Variants in GLG1 observed in about 807,000 individuals in gnomAD.
GLG1 encodes the protein golgi glycoprotein 1, also known as Golgi apparatus protein 1.
Under a neutral mutation model 160.5 loss-of-function variants are expected in GLG1, and 38 were observed. The ratio of observed to expected loss-of-function variants is 0.24; its 90% CI spans 0.18 to 0.31. The LOEUF (loss-of-function observed/expected upper bound fraction) is 0.31, where lower values mean the gene tolerates loss of function less well. Ranked by LOEUF, GLG1 falls within the 10% of genes least tolerant of loss-of-function variation. The probability of loss-of-function intolerance (pLI) is 1.00; values close to 1 mark genes in which losing one functional copy is unlikely to be tolerated. For missense variants in GLG1, 1,373 were observed against 1,505.2 expected (o/e 0.91, Z 1.45); for synonymous variants, 644 against 543.4 (o/e 1.19, Z -2.57).
At position 74,452,329 on chromosome 16, in the gene GLG1, T is replaced by C; in HGVS notation, c.*838A>G. The C allele has an allele frequency of 7.2e-7, 1 of 1,395,680 alleles. No homozygotes were observed. Among genetic ancestry groups the C allele is most frequent in the Non-Finnish European group, 9.3e-7 (1 of 1,074,416 alleles). The allele number at this position is 1,395,680 out of a possible 1,614,324, so 86.5% of individuals were successfully genotyped here. A position where few individuals can be genotyped will look rare whatever the true frequency, so the allele number is the denominator to read the frequency against. ...TGCTGCCCTGGAGGAGGAAGGTTCC[T>C]GGGATCCTGCTGCCCCGGGACTCAG... On this transcript the variant is annotated 3_prime_UTR_variant, in exon 26 of 26. Coordinates refer to ENST00000422840, the MANE Select transcript of GLG1 (RefSeq NM_001145667.2).
At chr16:74,583,486 T>C (rs887445423) in intron 1 of GLG1, among the ~76,000 whole-genome samples, 10 of 152,104 alleles carry the variant, frequency 6.6e-5, no homozygotes, top group Admixed American at 2.6e-4. Context: ...GTTCAAGCAA[T>C]TCTCATGCCT....
chr16:74,565,312 G>A (rs746844833), intron 1 of GLG1, among the ~76,000 whole-genome samples: 1 of 152,140 alleles, frequency 6.6e-6, no homozygotes, highest in Non-Finnish European at 1.5e-5. Context: ...CTAGGCAACA[G>A]AGCCACTCCA....
At chr16:74,507,904 G>A (rs1361234534) in intron 3 of GLG1, among the ~76,000 whole-genome samples, 3 of 152,178 alleles carry the variant, frequency 2.0e-5, no homozygotes, top group African/African-American at 7.2e-5. Flanking sequence ...AGCTAGCTAA[G>A]GGAGTTTGAG....
chr16:74,464,301 A>G (rs1179842130), intron 19 of GLG1, among the ~76,000 whole-genome samples: 1 of 152,170 alleles, frequency 6.6e-6, no homozygotes, highest in Non-Finnish European at 1.5e-5. Context: ...GGGGAAACCT[A>G]GGAATTCTCC....
intron 19 of GLG1, among the ~76,000 whole-genome samples, chr16:74,464,573 T>G (rs2014930544): frequency 6.6e-6 from 1 of 152,232 alleles, no homozygotes; most frequent in Non-Finnish European, 1.5e-5. Context: ...TCTAGTTCTC[T>G]AAAGAGTGTG....
chr16:74,483,152 C>T (rs757612997), intron 9 of GLG1, 28 bp from the exon 10 acceptor site: 2 of 1,323,008 alleles, frequency 1.5e-6, no homozygotes, highest in Admixed American at 3.4e-5. Context: ...AAAATTGTAA[C>T]AAGAGAGAAG....
At chr16:74,563,649 C>A (rs1487052720) in intron 1 of GLG1, among the ~76,000 whole-genome samples, 1 of 147,468 alleles carries the variant, frequency 6.8e-6, no homozygotes, top group Non-Finnish European at 1.5e-5. Context: ...ACTGCTTGAA[C>A]CCAGGAGGCA....
chr16:74,587,585 A>T (rs189936561), intron 1 of GLG1, among the ~76,000 whole-genome samples: 13 of 152,302 alleles, frequency 8.5e-5, no homozygotes, highest in Non-Finnish European at 1.6e-4. Context: ...AACAGCTATT[A>T]CGGCTGGGCA....
intron 1 of GLG1, among the ~76,000 whole-genome samples, chr16:74,561,609 G>A (rs1259827934): frequency 6.6e-6 from 1 of 152,184 alleles, no homozygotes; most frequent in Non-Finnish European, 1.5e-5. Flanking sequence ...TGCTAAATCA[G>A]CCAGTACTAA....
chr16:74,607,095 C>T lies in GLG1; in HGVS notation c.-1G>A. 6.5e-6 allele frequency: 10 copies of T among 1,531,594 alleles called. No individual in the cohort carries two copies. Among genetic ancestry groups the T allele is most frequent in the Non-Finnish European group, 8.8e-6 (10 of 1,137,794 alleles). The allele number at this position is 1,531,594 out of a possible 1,614,324, so 94.9% of individuals were successfully genotyped here. ...TCCGTACACGTCCACACGCCGCCAT[C>T]TTGAGTCCGCGGCGAGCTCGACGCA... On this transcript the variant is annotated 5_prime_UTR_variant, in exon 1 of 26. Transcript: ENST00000422840.
At chr16:74,576,330 T>A (rs2019003316) in intron 1 of GLG1, among the ~76,000 whole-genome samples, 1 of 152,066 alleles carries the variant, frequency 6.6e-6, no homozygotes, top group African/African-American at 2.4e-5. Context: ...GCAAGACATA[T>A]AAAGAGAATA....
intron 17 of GLG1, 107 bp from the exon 18 acceptor site, chr16:74,467,955 C>A: frequency 1.4e-6 from 1 of 707,728 alleles, no homozygotes; most frequent in African/African-American, 1.8e-5. Flanking sequence ...ACCCTGGCTT[C>A]TACATAGCAA....
rs1465346548 is a variant in GLG1 at position 74,605,205 on chromosome 16, CCATT to C, written c.438+1448_438+1451del. Among the ~76,000 whole-genome samples, 4 of 152,098 alleles carry C rather than the reference CCATT, an allele frequency of 2.6e-5. No homozygotes were observed. In the East Asian group the frequency reaches 7.7e-4, roughly 29 times the overall value. ...ACCTCCCCCCAACCCCCCAAAACCC[CCATT>C]TCCAATTTATATGACGCCTTTCCTC... On this transcript the variant is annotated intron_variant, in intron 1 of 25. Coordinates refer to ENST00000422840, the MANE Select transcript of GLG1 (RefSeq NM_001145667.2).
chr16:74,550,187 TATTG>T (rs1328558299), intron 1 of GLG1, among the ~76,000 whole-genome samples: 1 of 152,148 alleles, frequency 6.6e-6, no homozygotes, highest in African/African-American at 2.4e-5. Context: ...CTAAAATACT[TATTG>T]ATTGTGCTTT....
At chr16:74,577,347 C>T (rs2019033782) in intron 1 of GLG1, among the ~76,000 whole-genome samples, 1 of 151,896 alleles carries the variant, frequency 6.6e-6, no homozygotes, top group South Asian at 2.1e-4. Flanking sequence ...CATGGTGAAA[C>T]CCCATCTCTA....
rs2014879603 is a variant in GLG1, at chr16:74,463,448, A to T, written c.2699T>A (p.Met900Lys). ...TTTATTTTGCTTCAAGCACTGCAAC[A>T]TGGTTTTAGAATCTGCTTCCGGACA... ...RFCPEADSKT[M>K]LQCLKQNKNS... The change falls in exon 20 of 26, where the codon ATG (methionine) becomes AAG (lysine). Residue 900 changes from methionine (M) to lysine (K), a missense_variant. By Grantham distance (95) the Met-to-Lys change is moderately conservative (BLOSUM62 -1). Around this residue, in one of 4 missense-constraint regions of GLG1, gnomAD observed 491 missense variants for 632.1 expected, o/e 0.78. Transcript: ENST00000422840. 6.2e-7 allele frequency: 1 copy of T among 1,613,922 alleles called. No individual in the cohort carries two copies. Among genetic ancestry groups the T allele is most frequent in the Non-Finnish European group, 8.5e-7 (1 of 1,179,750 alleles).
At chr16:74,476,536 T>C (rs1231145349) in intron 12 of GLG1, among the ~76,000 whole-genome samples, 2 of 152,204 alleles carry the variant, frequency 1.3e-5, no homozygotes, top group Non-Finnish European at 2.9e-5. Flanking sequence ...GTGGTACAAA[T>C]GGAACCCAGA....
In GLG1 at chr16:74,544,648, G is replaced by A. The variant is rs568594626; in HGVS notation, c.439-12495C>T. ...TACTTAGTCTTATGATTACAGGCGCGTGCCACCACGCCCAGCTAATTTTTG... is the reference window on the plus strand; with the variant it reads ...TACTTAGTCTTATGATTACAGGCGCATGCCACCACGCCCAGCTAATTTTTG... On this transcript the variant is annotated intron_variant, in intron 1 of 25. Coordinates refer to ENST00000422840, the MANE Select transcript of GLG1 (RefSeq NM_001145667.2). Among the ~76,000 whole-genome samples, 5 of 152,192 alleles carry A rather than the reference G, an allele frequency of 3.3e-5. No individual in the cohort carries two copies. In the East Asian group the frequency reaches 7.7e-4, roughly 24 times the overall value.
At chr16:74,463,866 C>T (rs533658822) in intron 19 of GLG1, 6 of 183,396 alleles carry the variant, frequency 3.3e-5, no homozygotes, top group East Asian at 1.5e-4. Flanking sequence ...TGAGCCACCA[C>T]GCCTGGCCAC....
Sources: gnomAD v4.1 joint callset for allele counts (sites outside exome capture counted in the v4.1 genomes callset) on GRCh38, gnomAD v4.1.1 for gene constraint, gnomAD v4.1.1 regional missense constraint, MANE v1.5 for transcripts, NCBI Gene and HGNC (gene_info 2026-07-23, HGNC 2026-07-21) for gene names.